Variants in MRI1 observed in about 807,000 individuals in gnomAD.
MRI1 encodes methylthioribose-1-phosphate isomerase 1, also known as methylthioribose-1-phosphate isomerase.
Under a neutral mutation model 27.3 loss-of-function variants are expected in MRI1, and 32 were observed. The observed-to-expected ratio is 1.17, with a 90% CI of 0.88 to 1.57. MRI1 has a LOEUF of 1.57. MRI1 is among the 40% of genes most tolerant of loss of function. MRI1 has a pLI of 0.00. For synonymous variants in MRI1, 216 were observed against 227.4 expected (o/e 0.95, Z 0.45); for missense variants, 508 against 516.1 (o/e 0.98, Z 0.15).
At chr19:13,768,337 C>G in intron 3 of MRI1, 2 of 1,198,780 alleles carry the variant, frequency 1.7e-6, no homozygotes, top group Non-Finnish European at 2.4e-6. Flanking sequence ...AAGGCTTCAC[C>G]GAGAAGGTGT....
rs1457863491 is a variant in MRI1, at chr19:13,766,130, G to C, written c.547+1G>C. The C allele has an allele frequency of 3.9e-6, 6 of 1,543,542 alleles. No homozygotes were observed. In the South Asian group the frequency reaches 7.2e-5, roughly 19 times the overall value. ...ACCGCTGGCTATGGTACAGCCCTAGGTGAGAGGGCCTCCTCAGGGGGTAGG... is the reference window on the plus strand; with the variant it reads ...ACCGCTGGCTATGGTACAGCCCTAGCTGAGAGGGCCTCCTCAGGGGGTAGG... On this transcript the variant is annotated splice_donor_variant, in intron 3 of 5. Coordinates refer to ENST00000040663, the MANE Select transcript of MRI1 (RefSeq NM_001031727.4). LOFTEE classifies it high-confidence loss of function.
chr19:13,769,082 C>T (rs745999759), intron 5 of MRI1, 34 bp downstream of exon 5: 2 of 1,542,662 alleles, frequency 1.3e-6, no homozygotes, highest in Non-Finnish European at 8.8e-7. Flanking sequence ...GACACCCCAG[C>T]TCCTGGGCAC....
In MRI1 at chr19:13,771,590, G is replaced by A. The variant is rs10401718; in HGVS notation, c.950-531G>A. 4.5e-3 allele frequency among the ~76,000 whole-genome samples: 691 copies of A among 152,100 alleles called. 6 individuals carry two copies. Among genetic ancestry groups the A allele is most frequent in the African/African-American group, 0.015 (643 of 41,512 alleles). On this transcript the variant is annotated intron_variant, in intron 5 of 5. Transcript: ENST00000040663. Reference sequence around the variant, plus strand: ...AAAATAAGTGGGATGGGCCAGGTGCGGTGGCTCACGCCTGTAATCCCAGCA... The same window carrying A: ...AAAATAAGTGGGATGGGCCAGGTGCAGTGGCTCACGCCTGTAATCCCAGCA...
intron 1 of MRI1, 72 bp from the exon 2 acceptor site, chr19:13,764,799 C>T (rs1974077073): frequency 5.8e-6 from 2 of 346,402 alleles, no homozygotes; most frequent in Non-Finnish European, 9.6e-6. Context: ...GGCGGGGCGG[C>T]GGGGCGGCCG....
chr19:13,767,037 A>ATATATTT (rs1974149223), intron 3 of MRI1, among the ~76,000 whole-genome samples: 1 of 21,128 alleles, frequency 4.7e-5, no homozygotes, highest in Non-Finnish European at 8.3e-5. Context: ...ATATATATAT[A>ATATATTT]TTTTTTTTTT....
intron 5 of MRI1, 54 bp downstream of exon 5, chr19:13,769,102 G>A: frequency 5.6e-6 from 8 of 1,435,590 alleles, no homozygotes; most frequent in Non-Finnish European, 7.7e-6. Context: ...CTTCATGGAG[G>A]CAGGTGATAT....
At position 13,766,149 on chromosome 19, in the gene MRI1, G is replaced by T. The variant is rs752189151; in HGVS notation, c.547+20G>T. ...CCCTAGGTGAGAGGGCCTCCTCAGG[G>T]GGTAGGGGAGGGCCTTCTAGGAACT... is the stretch of plus-strand genomic sequence containing the variant. On this transcript the variant is annotated intron_variant, in intron 3 of 5. Coordinates refer to ENST00000040663, the MANE Select transcript of MRI1 (RefSeq NM_001031727.4). 2.0e-6 allele frequency: 3 copies of T among 1,503,132 alleles called. No homozygotes were observed. The highest frequency in any genetic ancestry group is 4.8e-5 in the East Asian group (2 of 42,072). The allele number at this position is 1,503,132 out of a possible 1,614,324, so 93.1% of individuals were successfully genotyped here. A position where few individuals can be genotyped will look rare whatever the true frequency, so the allele number is the denominator to read the frequency against.
chr19:13,772,982 TA>T lies in MRI1; in HGVS notation c.*707del, dbSNP rs1974302010. 1 of 150,496 alleles carries T rather than the reference TA, an allele frequency of 6.6e-6. No homozygotes were observed. Among genetic ancestry groups the T allele is most frequent in the Non-Finnish European group, 1.5e-5 (1 of 67,790 alleles). The allele number at this position is 150,496 out of a possible 1,614,324, so 9.3% of individuals were successfully genotyped here. On this transcript the variant is annotated 3_prime_UTR_variant, in exon 6 of 6. Coordinates refer to ENST00000040663, the MANE Select transcript of MRI1 (RefSeq NM_001031727.4). Reference sequence around the variant, plus strand: ...CACCAAAAAAGCTCAGCAACCAAGATAAAAAATATTTTAAAGCAATATTTTG... The same window carrying T: ...CACCAAAAAAGCTCAGCAACCAAGATAAAAATATTTTAAAGCAATATTTTG...
At position 13,768,806 on chromosome 19, in the gene MRI1, C is replaced by CA. The variant is rs143918009; in HGVS notation, c.725-17dup. 3.9e-3 allele frequency: 6,143 copies of CA among 1,594,794 alleles called. 192 individuals carry two copies. The African/African-American group carries it at 0.07, about 18-fold the overall frequency. On this transcript the variant is annotated splice_polypyrimidine_tract_variant and intron_variant, in intron 4 of 5. Transcript: ENST00000040663. ...GGCCAGGTAATGACCCCCAACTTCT[C>CA]ATACGCCCCCTCCCCAGCTGTGGTC...
In MRI1 at chr19:13,764,553, C is replaced by T. The variant is rs754962859; in HGVS notation, c.-36C>T. ...CTCCCAAGTGCGCGCGGACCCCTAG[C>T]TCCCTCTGAGTTGCGCTGGGCTTGG... On this transcript the variant is annotated 5_prime_UTR_variant, in exon 1 of 6. Coordinates refer to ENST00000040663, the MANE Select transcript of MRI1 (RefSeq NM_001031727.4). The T allele has an allele frequency of 3.4e-5, 54 of 1,597,972 alleles. No individual in the cohort carries two copies. Among genetic ancestry groups the T allele is most frequent in the Non-Finnish European group, 4.2e-5 (49 of 1,173,532 alleles).
In MRI1 at chr19:13,768,619, C is replaced by T. The variant is rs1182866593; in HGVS notation, c.606C>T (p.Thr202=). 9 of 1,613,062 alleles carry T rather than the reference C, an allele frequency of 5.6e-6. No individual in the cohort carries two copies. The highest frequency in any genetic ancestry group is 1.1e-5 in the South Asian group (1 of 91,012). The change falls in exon 4 of 6, where the codon ACC becomes ACT. Residue 202 remains threonine (T), a synonymous_variant. Transcript: ENST00000040663. ...TGGAGCATGCCTTCTGCACAGAGAC[C>T]CGGCCCTACAACCAGGGAGCCCGGC... ...GRLEHAFCTE[T]RPYNQGARLT... is the part of the protein sequence containing the mutation.
At position 13,772,979 on chromosome 19, in the gene MRI1, A is replaced by T. The variant is rs1264882560; in HGVS notation, c.*698A>T. The T allele has an allele frequency of 6.6e-6, 1 of 151,526 alleles. No homozygotes were observed. Among genetic ancestry groups the T allele is most frequent in the African/African-American group, 2.4e-5 (1 of 41,188 alleles). The allele number at this position is 151,526 out of a possible 1,614,324, so 9.4% of individuals were successfully genotyped here. On this transcript the variant is annotated 3_prime_UTR_variant, in exon 6 of 6. Coordinates refer to ENST00000040663, the MANE Select transcript of MRI1 (RefSeq NM_001031727.4). ...GGACACCAAAAAAGCTCAGCAACCA[A>T]GATAAAAAATATTTTAAAGCAATAT...
rs1170108927 is a variant in MRI1 at position 13,767,861 on chromosome 19, CTTTTTTTTT to C, written c.548-683_548-675del. On this transcript the variant is annotated intron_variant, in intron 3 of 5. Transcript: ENST00000040663. The stretch of plus-strand genomic sequence containing the variant: ...TCTTTTCAAGTATTTTCTTTCTTTC[CTTTTTTTTT>C]TTTTTTTTTTTTTTTTGAGACAGAG... 1.7e-3 allele frequency among the ~76,000 whole-genome samples: 106 copies of C among 61,084 alleles called. 2 individuals carry two copies. The highest frequency in any genetic ancestry group is 7.2e-3 in the African/African-American group (92 of 12,814). 40.1% of individuals were successfully genotyped at this position (61,084 alleles called of 152,430 possible).
At chr19:13,765,904 C>A in intron 2 of MRI1, 50 bp from the exon 3 acceptor site, 1 of 1,542,710 alleles carries the variant, frequency 6.5e-7, no homozygotes, top group Admixed American at 2.0e-5. Flanking sequence ...AGGCGTTGGC[C>A]TGGGCCCCGG....
In MRI1 at chr19:13,772,540, G is replaced by C. The variant is rs572684560; in HGVS notation, c.*259G>C. 2 of 344,210 alleles carry C rather than the reference G, an allele frequency of 5.8e-6. No homozygotes were observed. Among genetic ancestry groups the C allele is most frequent in the African/African-American group, 4.3e-5 (2 of 47,010 alleles). 21.3% of individuals were successfully genotyped at this position (344,210 alleles called of 1,614,324 possible). On this transcript the variant is annotated 3_prime_UTR_variant, in exon 6 of 6. Transcript: ENST00000040663. ...TTGGTTTCCTCATTTATAAAATGTG[G>C]ATAACAGGCCGGGCGCAGTGGCTCA...
In MRI1 at chr19:13,773,805, C is replaced by G. The variant is rs1974322966; in HGVS notation, c.*1524C>G. On this transcript the variant is annotated 3_prime_UTR_variant, in exon 6 of 6. Coordinates refer to ENST00000040663, the MANE Select transcript of MRI1 (RefSeq NM_001031727.4). Reference sequence around the variant, plus strand: ...CCCGAGTAGCTGGGATTACAGGAGCCTGGCACTATGCCTGGCTAATTTTTG... The same window carrying G: ...CCCGAGTAGCTGGGATTACAGGAGCGTGGCACTATGCCTGGCTAATTTTTG... 6.6e-6 allele frequency: 1 copy of G among 152,318 alleles called. No homozygotes were observed. Among genetic ancestry groups the G allele is most frequent in the Admixed American group, 6.6e-5 (1 of 15,264 alleles). 9.4% of individuals were successfully genotyped at this position (152,318 alleles called of 1,614,324 possible). A position where few individuals can be genotyped will look rare whatever the true frequency, so the allele number is the denominator to read the frequency against.
chr19:13,770,968 T>C (rs1444044350), intron 5 of MRI1, among the ~76,000 whole-genome samples: 1 of 152,080 alleles, frequency 6.6e-6, no homozygotes, highest in African/African-American at 2.4e-5. Context: ...GGCTCACACC[T>C]GAAATCCCAG....
chr19:13,769,072 G>T, intron 5 of MRI1, 24 bp downstream of exon 5: 1 of 1,577,660 alleles, frequency 6.3e-7, no homozygotes, highest in Non-Finnish European at 8.6e-7. Flanking sequence ...TCAGAAAGGG[G>T]ACACCCCAGC....
Position 13,765,015 on chromosome 19 carries a change from G to C in MRI1, c.277G>C (p.Ala93Pro). The C allele has an allele frequency of 6.6e-7, 1 of 1,525,218 alleles. No homozygotes were observed. Among genetic ancestry groups the C allele is most frequent in the South Asian group, 1.2e-5 (1 of 82,534 alleles). The allele number at this position is 1,525,218 out of a possible 1,614,324, so 94.5% of individuals were successfully genotyped here. Residue 93 changes from alanine to proline, a missense_variant, in exon 2 of 6, where the codon GCT (alanine) becomes CCT (proline). Around this residue, in one of 3 missense-constraint regions of MRI1, gnomAD observed 457 missense variants for 452.8 expected, o/e 1.01. Coordinates refer to ENST00000040663, the MANE Select transcript of MRI1 (RefSeq NM_001031727.4). ...CTTCCTCGTCACCGCCCGGCCCACC[G>C]CTGTCAACATGGCCCGCGCCGCCCG... The part of the protein sequence containing the change: ...LSFLVTARPT[A>P]VNMARAARDL...
Sources: gnomAD v4.1 joint callset for allele counts (sites outside exome capture counted in the v4.1 genomes callset) on GRCh38, gnomAD v4.1.1 for gene constraint, gnomAD v4.1.1 regional missense constraint, MANE v1.5 for transcripts, NCBI Gene and HGNC (gene_info 2026-07-23, HGNC 2026-07-21) for gene names.